LINGO2: variants seen among roughly 807,000 people sequenced by gnomAD.
LINGO2 encodes leucine-rich repeat and immunoglobulin-like domain-containing nogo receptor-interacting protein 2.
Under a neutral mutation model 30.6 loss-of-function variants are expected in LINGO2, and 14 were observed. The ratio of observed to expected loss-of-function variants is 0.46; its 90% CI spans 0.30 to 0.72. LINGO2 has a LOEUF of 0.72. Among genes scored for constraint, LINGO2 ranks in the 30% least tolerant of loss-of-function variants. LINGO2 has a pLI of 0.07. For synonymous variants in LINGO2, 317 were observed against 288.5 expected, an observed-to-expected ratio of 1.10 and a Z score of -1.00; for missense variants, 729 against 751.7, an observed-to-expected ratio of 0.97 and a Z score of 0.35.
the LINGO2 span, among the ~76,000 whole-genome samples, chr9:29,043,723 G>C: frequency 6.6e-6 from 1 of 151,982 alleles, no homozygotes; most frequent in Non-Finnish European, 1.5e-5. Flanking sequence ...TATTTTTACA[G>C]ACTGACCTCC....
At chr9:29,169,357 G>C in the LINGO2 span, among the ~76,000 whole-genome samples, 1 of 152,006 alleles carries the variant, frequency 6.6e-6, no homozygotes, top group Non-Finnish European at 1.5e-5. Context: ...AGTAATCAAA[G>C]GTGATAAAAA....
At chr9:28,941,022 A>T in the LINGO2 span, among the ~76,000 whole-genome samples, 1 of 151,976 alleles carries the variant, frequency 6.6e-6, no homozygotes, top group African/African-American at 2.4e-5. Flanking sequence ...CCACAAAAAA[A>T]AATAAAAGAG....
At chr9:28,345,047 G>A (rs923166890) in intron 3 of LINGO2, among the ~76,000 whole-genome samples, 9 of 151,846 alleles carry the variant, frequency 5.9e-5, no homozygotes, top group Non-Finnish European at 2.9e-5. Context: ...CCCTTTGATA[G>A]TGTCTTATCT....
chr9:28,720,544 A>C, the LINGO2 span, among the ~76,000 whole-genome samples: 1 of 152,036 alleles, frequency 6.6e-6, no homozygotes, highest in Admixed American at 6.6e-5. Flanking sequence ...ATGTGTAAAA[A>C]ATTTCTGTCA....
At chr9:28,706,386 GAT>G in the LINGO2 span, among the ~76,000 whole-genome samples, 1 of 152,038 alleles carries the variant, frequency 6.6e-6, no homozygotes, top group African/African-American at 2.4e-5. Flanking sequence ...AGCTTATTAT[GAT>G]GATAATAGCT....
At chr9:28,183,574 A>G (rs560609237) in intron 4 of LINGO2, among the ~76,000 whole-genome samples, 1 of 152,248 alleles carries the variant, frequency 6.6e-6, no homozygotes, top group Admixed American at 6.5e-5. Context: ...TTATTGCTTT[A>G]ACACCACAAT....
the LINGO2 span, among the ~76,000 whole-genome samples, chr9:28,739,858 G>A: frequency 6.6e-6 from 1 of 150,684 alleles, no homozygotes; most frequent in African/African-American, 2.4e-5. Context: ...GAAGATATTT[G>A]GGCCTATATA....
chr9:29,192,034 G>A, the LINGO2 span, among the ~76,000 whole-genome samples: 22 of 151,986 alleles, frequency 1.4e-4, no homozygotes, highest in African/African-American at 5.3e-4. Flanking sequence ...TTATGTAGGG[G>A]ATTACCTAAA....
At chr9:28,518,632 C>T (rs1008942564) in intron 1 of LINGO2, among the ~76,000 whole-genome samples, 2 of 152,128 alleles carry the variant, frequency 1.3e-5, no homozygotes, top group Non-Finnish European at 2.9e-5. Flanking sequence ...CACAGACGGG[C>T]CTTATTAACA....
the LINGO2 span, among the ~76,000 whole-genome samples, chr9:29,070,554 T>C: frequency 1.3e-5 from 2 of 152,082 alleles, no homozygotes; most frequent in African/African-American, 4.8e-5. Context: ...GGTTGAAGCC[T>C]GACAGAAAGG....
intron 5 of LINGO2, among the ~76,000 whole-genome samples, chr9:27,962,952 C>T (rs1374313102): frequency 6.6e-5 from 10 of 152,072 alleles, no homozygotes; most frequent in East Asian, 1.9e-4. Flanking sequence ...TTACATTTTT[C>T]GTATGCTGGG....
chr9:28,583,488 A>T (rs935662841), intron 1 of LINGO2, among the ~76,000 whole-genome samples: 1 of 152,034 alleles, frequency 6.6e-6, no homozygotes, highest in Non-Finnish European at 1.5e-5. Context: ...GTTTTCATGA[A>T]AAGGCTTGCT....
chr9:28,629,539 T>C (rs1176697684), intron 1 of LINGO2, among the ~76,000 whole-genome samples: 1 of 152,090 alleles, frequency 6.6e-6, no homozygotes, highest in Admixed American at 6.6e-5. Context: ...ATATGAACAC[T>C]TTTTATGTTA....
At chr9:28,209,383 C>G (rs1298498184) in intron 4 of LINGO2, among the ~76,000 whole-genome samples, 7 of 151,890 alleles carry the variant, frequency 4.6e-5, no homozygotes, top group Non-Finnish European at 8.8e-5. Context: ...TTCCCACTAG[C>G]TCTTAGCTTT....
the LINGO2 span, among the ~76,000 whole-genome samples, chr9:29,183,284 T>G: frequency 1.3e-5 from 2 of 152,226 alleles, no homozygotes; most frequent in African/African-American, 4.8e-5. Context: ...ATGAAAAAAT[T>G]AACCAGTAAC....
At chr9:28,319,446 A>G (rs1264082068) in intron 3 of LINGO2, among the ~76,000 whole-genome samples, 1 of 152,208 alleles carries the variant, frequency 6.6e-6, no homozygotes, top group Non-Finnish European at 1.5e-5. Context: ...TTGTATCTAC[A>G]AAATTGCTTT....
chr9:29,095,748 G>T, the LINGO2 span, among the ~76,000 whole-genome samples: 6 of 138,374 alleles, frequency 4.3e-5, 3 homozygotes, highest in Admixed American at 1.5e-4. Flanking sequence ...CAAATCATGG[G>T]GATTCTGTTT....
the LINGO2 span, among the ~76,000 whole-genome samples, chr9:28,817,200 C>T: frequency 6.6e-6 from 1 of 151,776 alleles, no homozygotes; most frequent in African/African-American, 2.4e-5. Context: ...ATACGTAGTT[C>T]AGTCATTCCT....
At chr9:28,757,967 A>G in the LINGO2 span, among the ~76,000 whole-genome samples, 2 of 152,084 alleles carry the variant, frequency 1.3e-5, no homozygotes, top group African/African-American at 4.8e-5. Context: ...CAGAATGACC[A>G]CAACAGGTGG....
Sources: allele counts gnomAD v4.1 joint callset (sites outside exome capture counted in the v4.1 genomes callset), GRCh38; gene constraint gnomAD v4.1.1; transcripts MANE v1.5; gene names NCBI Gene and HGNC (gene_info 2026-07-23, HGNC 2026-07-21).